RLIM: variants seen among roughly 807,000 people sequenced by gnomAD.
RLIM encodes the protein E3 ubiquitin-protein ligase RLIM.
A neutral mutation model predicts 34.0 loss-of-function variants in RLIM; 2 were observed. That is an observed-to-expected ratio of 0.06 (90% CI 0.02 to 0.19). The LOEUF is 0.19. RLIM is among the 10% of genes least tolerant of loss of function. RLIM has a pLI of 1.00. For missense variants in RLIM, 286 were observed against 479.7 expected, an observed-to-expected ratio of 0.60 and a Z score of 3.77; for synonymous variants, 169 against 164.0, an observed-to-expected ratio of 1.03 and a Z score of -0.23.
chrX:74,609,329 T>C (rs1463129952), intron 1 of RLIM, among the ~76,000 whole-genome samples: 1 of 106,764 alleles, frequency 9.4e-6, no homozygotes, highest in Non-Finnish European at 1.9e-5. Flanking sequence ...CTACTAAAAA[T>C]AGAAAAAAAT....
At chrX:74,603,469 C>G (rs2079669580) in intron 1 of RLIM, among the ~76,000 whole-genome samples, 1 of 111,920 alleles carries the variant, frequency 8.9e-6, no homozygotes, top group Non-Finnish European at 1.9e-5. Context: ...TAGAGTGGCA[C>G]TTCCTGCCTT....
Position 74,583,877 on chromosome X carries a change from C to A in RLIM, c.*7563G>T, listed in dbSNP as rs1226546822. ...CCTGGCCAACATGGTGAAACCCTGT[C>A]TCTACTAAAAATAGAAAAATTAGCT... On this transcript the variant is annotated 3_prime_UTR_variant, in exon 4 of 4. Transcript: ENST00000332687. 9.0e-6 allele frequency among the ~76,000 whole-genome samples: 1 copy of A among 110,871 alleles called. No homozygotes were observed. Among genetic ancestry groups the A allele is most frequent in the Non-Finnish European group, 1.9e-5 (1 of 52,994 alleles).
chrX:74,608,501 A>T (rs181351493), intron 1 of RLIM, among the ~76,000 whole-genome samples: 1 of 110,847 alleles, frequency 9.0e-6, no homozygotes, highest in Non-Finnish European at 1.9e-5. Flanking sequence ...ACCTCTCACC[A>T]ACTAAAAAAT....
intron 1 of RLIM, among the ~76,000 whole-genome samples, chrX:74,607,829 G>A (rs781779759): frequency 8.9e-6 from 1 of 112,783 alleles, no homozygotes; most frequent in Non-Finnish European, 1.9e-5. Flanking sequence ...TGAAGAAAAT[G>A]TTAAATACCA....
In RLIM at chrX:74,592,470, C is replaced by T; in HGVS notation, c.845G>A (p.Ser282Asn). 1 of 1,211,982 alleles carries T rather than the reference C, an allele frequency of 8.3e-7. No individual in the cohort carries two copies. Among genetic ancestry groups the T allele is most frequent in the South Asian group, 1.8e-5 (1 of 56,994 alleles). The stretch of plus-strand genomic sequence containing the variant: ...TCCAGAAGCTGCAAAAAGACCTCTA[C>T]TTAGCAACTCAGGCCCAGATATTTG... Reference protein sequence around the residue: ...RQQISGPELLSRGLFAASGTR... With the variant: ...RQQISGPELLNRGLFAASGTR... The change falls in exon 4 of 4, where the codon AGT becomes AAT. Residue 282 changes from serine (S) to asparagine (N), a missense_variant. This residue lies in a region of RLIM where 121 missense variants were observed against 182.4 expected (regional missense o/e 0.66). Coordinates refer to ENST00000332687, the MANE Select transcript of RLIM (RefSeq NM_016120.4).
In RLIM at chrX:74,597,945, A is replaced by T. The variant is rs2079646473; in HGVS notation, c.-23-1945T>A. Among the ~76,000 whole-genome samples the T allele has an allele frequency of 3.6e-5, 4 of 112,432 alleles. No homozygotes were observed. The South Asian group carries it at 1.5e-3, about 41-fold the overall frequency. On this transcript the variant is annotated intron_variant, in intron 1 of 3. Coordinates refer to ENST00000332687, the MANE Select transcript of RLIM (RefSeq NM_016120.4). ...CAATTACTATTATCAAACAATAAAT[A>T]GCTTGGAAAATTAGTGTTTCCTGCA...
Position 74,586,195 on chromosome X carries a change from T to C in RLIM, c.*5245A>G, listed in dbSNP as rs1287408262. The C allele has an allele frequency of 2.7e-5, 3 of 111,893 alleles. No individual in the cohort carries two copies. Among genetic ancestry groups the C allele is most frequent in the African/African-American group, 9.8e-5 (3 of 30,755 alleles). 9.2% of individuals were successfully genotyped at this position (111,893 alleles called of 1,213,427 possible). A position where few individuals can be genotyped will look rare whatever the true frequency, so the allele number is the denominator to read the frequency against. Reference sequence around the variant, plus strand: ...AGGGACAAATGGAGCTATCAAGAGGTAAAATCCAAACACTGGACAGTTAAA... The same window carrying C: ...AGGGACAAATGGAGCTATCAAGAGGCAAAATCCAAACACTGGACAGTTAAA... On this transcript the variant is annotated 3_prime_UTR_variant, in exon 4 of 4. Coordinates refer to ENST00000332687, the MANE Select transcript of RLIM (RefSeq NM_016120.4).
rs2079610118 is a variant in RLIM, at chrX:74,591,002, C to CACAA, written c.*437_*438insTTGT. The CACAA allele has an allele frequency of 7.9e-6, 1 of 126,808 alleles. No individual in the cohort carries two copies. Among genetic ancestry groups the CACAA allele is most frequent in the Non-Finnish European group, 1.6e-5 (1 of 60,933 alleles). 10.5% of individuals were successfully genotyped at this position (126,808 alleles called of 1,213,427 possible). A position where few individuals can be genotyped will look rare whatever the true frequency, so the allele number is the denominator to read the frequency against. On this transcript the variant is annotated 3_prime_UTR_variant, in exon 4 of 4. Coordinates refer to ENST00000332687, the MANE Select transcript of RLIM (RefSeq NM_016120.4). ...TGGCTGAATTTGTGTTAACTAATAACTGGGAATGATATAGCTTTAATCACT... is the reference window on the plus strand; with the variant it reads ...TGGCTGAATTTGTGTTAACTAATAACACAATGGGAATGATATAGCTTTAATCACT...
intron 1 of RLIM, among the ~76,000 whole-genome samples, chrX:74,608,819 C>T (rs773622408): frequency 8.9e-6 from 1 of 112,171 alleles, no homozygotes; most frequent in African/African-American, 3.2e-5. Flanking sequence ...ATGCCAAATG[C>T]GGTTGATCTA....
chrX:74,611,990 T>C (rs2079713478), intron 1 of RLIM, among the ~76,000 whole-genome samples: 1 of 111,948 alleles, frequency 8.9e-6, no homozygotes, highest in Admixed American at 9.5e-5. Context: ...CAATCAAGGT[T>C]TGCACCTGCT....
In RLIM at chrX:74,610,480, A is replaced by C. The variant is rs754307594; in HGVS notation, c.-24+3942T>G. 5.3e-4 allele frequency among the ~76,000 whole-genome samples: 58 copies of C among 110,259 alleles called. 2 individuals are homozygous for C. The South Asian group carries it at 0.019, about 35-fold the overall frequency. ...AAACAAAAAAAACCAAAAAAAAAAA[A>C]CCCTTGTGTTGGAACATTAAAATAT... On this transcript the variant is annotated intron_variant, in intron 1 of 3. Transcript: ENST00000332687.
chrX:74,597,240 G>A lies in RLIM; in HGVS notation c.-23-1240C>T, dbSNP rs772945878. ...GTTTGAGTGCAGAAGCTGAAGAAAT[G>A]TGTCCAGAGAAAATAAACATAATAT... On this transcript the variant is annotated intron_variant, in intron 1 of 3. Coordinates refer to ENST00000332687, the MANE Select transcript of RLIM (RefSeq NM_016120.4). Among the ~76,000 whole-genome samples the A allele has an allele frequency of 1.8e-5, 2 of 112,136 alleles. 1 individual carries two copies. Among genetic ancestry groups the A allele is most frequent in the East Asian group, 5.6e-4 (2 of 3,560 alleles).
Position 74,591,085 on chromosome X carries a change from T to C in RLIM, c.*355A>G, listed in dbSNP as rs753752788. 1.6e-5 allele frequency: 3 copies of C among 188,118 alleles called. No individual in the cohort carries two copies. Among genetic ancestry groups the C allele is most frequent in the South Asian group, 2.9e-4 (2 of 6,981 alleles). The allele number at this position is 188,118 out of a possible 1,213,427, so 15.5% of individuals were successfully genotyped here. A position where few individuals can be genotyped will look rare whatever the true frequency, so the allele number is the denominator to read the frequency against. ...GGTAATTTCCTTTGCTCCTCTCTTA[T>C]GGTGTGGGAAAATTTAAAGATCAAC... On this transcript the variant is annotated 3_prime_UTR_variant, in exon 4 of 4. Coordinates refer to ENST00000332687, the MANE Select transcript of RLIM (RefSeq NM_016120.4).
intron 2 of RLIM, 89 bp from the exon 3 acceptor site, chrX:74,594,478 T>C: frequency 1.8e-5 from 10 of 564,438 alleles, no homozygotes; most frequent in Non-Finnish European, 2.6e-5. Flanking sequence ...TGACACAAGA[T>C]GATTAGAAAA....
At chrX:74,612,757 A>G (rs1301033514) in intron 1 of RLIM, 2 of 111,257 alleles carry the variant, frequency 1.8e-5, no homozygotes, top group African/African-American at 6.5e-5. Context: ...ACCTAATTCA[A>G]TATTAGTATT....
Position 74,587,948 on chromosome X carries a change from T to A in RLIM, c.*3492A>T, listed in dbSNP as rs1260073340. On this transcript the variant is annotated 3_prime_UTR_variant, in exon 4 of 4. Transcript: ENST00000332687. ...GTGTGTGTACACACACATATTTTAT[T>A]TCCTGGTGCTAAAGGTCTTATAAAC... 1.8e-5 allele frequency: 2 copies of A among 112,217 alleles called. No individual in the cohort carries two copies. Among genetic ancestry groups the A allele is most frequent in the Non-Finnish European group, 3.8e-5 (2 of 53,272 alleles). 9.2% of individuals were successfully genotyped at this position (112,217 alleles called of 1,213,427 possible).
At chrX:74,603,966 G>A (rs2079672054) in intron 1 of RLIM, among the ~76,000 whole-genome samples, 1 of 109,585 alleles carries the variant, frequency 9.1e-6, no homozygotes, top group African/African-American at 3.3e-5. Context: ...AAAATTAGCC[G>A]GACGTGGTAG....
At chrX:74,607,328 TA>T (rs1175872161) in intron 1 of RLIM, among the ~76,000 whole-genome samples, 10 of 112,323 alleles carry the variant, frequency 8.9e-5, no homozygotes, top group African/African-American at 3.2e-4. Context: ...TGCCAATTTT[TA>T]AAAAATTATG....
chrX:74,598,436 T>C (rs1351010181), intron 1 of RLIM, among the ~76,000 whole-genome samples: 3 of 110,206 alleles, frequency 2.7e-5, no homozygotes, highest in Non-Finnish European at 5.7e-5. Flanking sequence ...AAGACGAGCT[T>C]GGGCAACATA....
Sources: gnomAD v4.1 joint callset for allele counts (sites outside exome capture counted in the v4.1 genomes callset) on GRCh38, gnomAD v4.1.1 for gene constraint, gnomAD v4.1.1 regional missense constraint, MANE v1.5 for transcripts, NCBI Gene and HGNC (gene_info 2026-07-23, HGNC 2026-07-21) for gene names.